CABP1: variants seen among roughly 807,000 people sequenced by gnomAD.
CABP1 encodes the protein calcium binding protein 1.
Under a neutral mutation model 34.3 loss-of-function variants are expected in CABP1, and 17 were observed. The ratio of observed to expected loss-of-function variants is 0.50; its 90% CI spans 0.34 to 0.74. The LOEUF is 0.74. CABP1 is among the 30% of genes least tolerant of loss of function. The probability of loss-of-function intolerance (pLI) is 0.01; values close to 1 mark genes in which losing one functional copy is unlikely to be tolerated. For missense variants in CABP1, 373 were observed against 511.1 expected (o/e 0.73, Z 2.61); for synonymous variants, 198 against 229.2 (o/e 0.86, Z 1.23).
intron 1 of CABP1, among the ~76,000 whole-genome samples, chr12:120,651,383 C>T (rs1879838189): frequency 6.6e-6 from 1 of 152,116 alleles, no homozygotes; most frequent in South Asian, 2.1e-4. Flanking sequence ...TGCAAAAATT[C>T]CTTTTAGAAA....
chr12:120,673,738 G>C, the CABP1 span, among the ~76,000 whole-genome samples: 1 of 152,198 alleles, frequency 6.6e-6, no homozygotes, highest in Non-Finnish European at 1.5e-5. Context: ...CTGTAAAATG[G>C]AGATGATGTT....
At chr12:120,662,678 C>T (rs1394033064) in intron 5 of CABP1, among the ~76,000 whole-genome samples, 1 of 110,560 alleles carries the variant, frequency 9.0e-6, no homozygotes, top group Non-Finnish European at 1.8e-5. Context: ...GGGCTTTTAT[C>T]CTGTTCTTTT....
intron 5 of CABP1, among the ~76,000 whole-genome samples, chr12:120,665,268 CA>C (rs1380772379): frequency 2.6e-5 from 4 of 151,286 alleles, no homozygotes; most frequent in African/African-American, 9.7e-5. Context: ...ACTAAAAATA[CA>C]AAAAAAATTA....
In CABP1 at chr12:120,660,092, C is replaced by A; in HGVS notation, c.686-104C>A. 6.8e-7 allele frequency: 1 copy of A among 1,468,198 alleles called. No homozygotes were observed. Among genetic ancestry groups the A allele is most frequent in the Non-Finnish European group, 9.4e-7 (1 of 1,068,770 alleles). 90.9% of individuals were successfully genotyped at this position (1,468,198 alleles called of 1,614,324 possible). On this transcript the variant is annotated intron_variant, in intron 2 of 5. Coordinates refer to ENST00000316803, the MANE Select transcript of CABP1 (RefSeq NM_001033677.2). This position sits in a 1 kb window ranked among gnomAD's most constrained non-coding sequence, Gnocchi z 5.0. ...AAATGCCCCAGCATCCTGGGAAGCT[C>A]CTGGGCCTCTCTTTCCATGCCGGTG...
At chr12:120,648,653 G>A (rs889038588) in intron 1 of CABP1, among the ~76,000 whole-genome samples, 1 of 152,104 alleles carries the variant, frequency 6.6e-6, no homozygotes, top group South Asian at 2.1e-4. Context: ...GGCCAAGGCA[G>A]GTGGATCACC....
At position 120,640,942 on chromosome 12, in the gene CABP1, C is replaced by T; in HGVS notation, c.257C>T (p.Pro86Leu). 8.8e-7 allele frequency: 1 copy of T among 1,132,254 alleles called. No individual in the cohort carries two copies. Among genetic ancestry groups the T allele is most frequent in the Non-Finnish European group, 1.1e-6 (1 of 924,838 alleles). The allele number at this position is 1,132,254 out of a possible 1,614,324, so 70.1% of individuals were successfully genotyped here. ...AAAASGGSRAPRHGPARDPGL... is the reference protein window; with the variant it reads ...AAAASGGSRALRHGPARDPGL... ...GCGGCGAGCGGGGGCAGCCGGGCTC[C>T]CCGCCACGGCCCTGCCCGGGACCCG... is the stretch of plus-strand genomic sequence containing the variant. The change falls in exon 1 of 6, where the codon CCC becomes CTC. Residue 86 changes from proline to leucine, a missense_variant. Coordinates refer to ENST00000316803, the MANE Select transcript of CABP1 (RefSeq NM_001033677.2). The surrounding 1 kb of genome is among the most constrained non-coding windows in gnomAD (Gnocchi z 6.2).
chr12:120,645,811 G>A (rs1223374756), intron 1 of CABP1, among the ~76,000 whole-genome samples: 5 of 152,116 alleles, frequency 3.3e-5, no homozygotes, highest in Non-Finnish European at 5.9e-5. Flanking sequence ...CCTGGGTGAC[G>A]GAGGAAGACT....
chr12:120,648,005 GGAAGC>G (rs1879630383), intron 1 of CABP1, among the ~76,000 whole-genome samples: 1 of 152,064 alleles, frequency 6.6e-6, no homozygotes, highest in Non-Finnish European at 1.5e-5. Context: ...GAATTTCTGG[GGAAGC>G]TCCCCAGTTA....
intron 1 of CABP1, among the ~76,000 whole-genome samples, chr12:120,654,901 GA>G (rs1880079373): frequency 6.6e-6 from 1 of 152,250 alleles, no homozygotes; most frequent in African/African-American, 2.4e-5. Context: ...TAGGTAAGCA[GA>G]GAAGGGCCCT....
chr12:120,641,247 C>G lies in CABP1; in HGVS notation c.562C>G (p.Arg188Gly). 7.8e-7 allele frequency: 1 copy of G among 1,287,456 alleles called. No individual in the cohort carries two copies. The highest frequency in any genetic ancestry group is 9.8e-7 in the Non-Finnish European group (1 of 1,020,538). 79.8% of individuals were successfully genotyped at this position (1,287,456 alleles called of 1,614,324 possible). ...ALGLRGSLRA[R>G]GRGDSVPAAA... ...CGGCCTCCGGGGCTCTCTGCGAGCC[C>G]GGGGCCGCGGGGACTCCGTTCCAGC... is the stretch of plus-strand genomic sequence containing the variant. The change falls in exon 1 of 6, where the codon CGG becomes GGG. Residue 188 changes from arginine (R) to glycine (G), a missense_variant. Arg to Gly is a moderately radical substitution (Grantham distance 125, BLOSUM62 -2). Transcript: ENST00000316803. The surrounding 1 kb of genome is among the most constrained non-coding windows in gnomAD (Gnocchi z 6.7).
intron 1 of CABP1, chr12:120,656,128 G>A (rs371965163): frequency 3.7e-6 from 6 of 1,614,206 alleles, no homozygotes; most frequent in Non-Finnish European, 5.1e-6. Flanking sequence ...ACATGGTGGT[G>A]CAGACGAGCG....
the CABP1 span, among the ~76,000 whole-genome samples, chr12:120,673,908 G>A: frequency 1.3e-5 from 2 of 152,248 alleles, no homozygotes; most frequent in African/African-American, 4.8e-5. Context: ...GCTGCCTGGT[G>A]TGGTGGCTCA....
chr12:120,651,695 C>T (rs939522492), intron 1 of CABP1, among the ~76,000 whole-genome samples: 11 of 152,216 alleles, frequency 7.2e-5, no homozygotes, highest in Non-Finnish European at 1.2e-4. Context: ...ACCAGCCTCT[C>T]AATTTAGGAC....
At chr12:120,658,888 G>A (rs1364401722) in intron 1 of CABP1, 1 of 152,324 alleles carries the variant, frequency 6.6e-6, no homozygotes, top group Non-Finnish European at 1.5e-5. Flanking sequence ...GGACGCTGAA[G>A]GCCACTTTTG....
the CABP1 span, among the ~76,000 whole-genome samples, chr12:120,674,303 A>T: frequency 1.3e-5 from 2 of 152,256 alleles, no homozygotes; most frequent in African/African-American, 4.8e-5. Flanking sequence ...AGAAAAGGAG[A>T]AGAGAAAGTT....
rs1301286573 is a variant in CABP1, at chr12:120,641,313, C to A, written c.628C>A (p.Pro210Thr). The A allele has an allele frequency of 4.5e-6, 6 of 1,330,846 alleles. No homozygotes were observed. The highest frequency in any genetic ancestry group is 5.8e-6 in the Non-Finnish European group (6 of 1,042,388). The allele number at this position is 1,330,846 out of a possible 1,614,324, so 82.4% of individuals were successfully genotyped here. A position where few individuals can be genotyped will look rare whatever the true frequency, so the allele number is the denominator to read the frequency against. ...EADPFLHRLR[P>T]MLSSAFGQDR... ...GGACCCGTTCCTCCACCGGCTGCGCCCCATGCTCAGCTCCGCCTTTGGCCA... is the reference window on the plus strand; with the variant it reads ...GGACCCGTTCCTCCACCGGCTGCGCACCATGCTCAGCTCCGCCTTTGGCCA... Residue 210 changes from proline (P) to threonine (T), a missense_variant, in exon 1 of 6, where the codon CCC (proline) becomes ACC (threonine). Pro to Thr is a conservative substitution (Grantham distance 38). Around this residue, in one of 4 missense-constraint regions of CABP1, gnomAD observed 121 missense variants for 125.5 expected, o/e 0.96. Transcript: ENST00000316803. This position sits in a 1 kb window ranked among gnomAD's most constrained non-coding sequence, Gnocchi z 6.7.
chr12:120,655,743 G>T, intron 1 of CABP1: 2 of 1,462,812 alleles, frequency 1.4e-6, no homozygotes, highest in Non-Finnish European at 1.8e-6. Context: ...CTTCCCATTG[G>T]TGAGAATAGA....
intron 1 of CABP1, chr12:120,650,602 AC>A (rs1244201565): frequency 1.2e-6 from 2 of 1,613,464 alleles, no homozygotes; most frequent in Non-Finnish European, 1.7e-6. Flanking sequence ...TCCTTCATGG[AC>A]CCGGGGATCC....
At chr12:120,646,748 A>ACTGAT (rs1403511207) in intron 1 of CABP1, among the ~76,000 whole-genome samples, 1 of 152,090 alleles carries the variant, frequency 6.6e-6, no homozygotes, top group East Asian at 1.9e-4. Context: ...CCTGGCCTCA[A>ACTGAT]CTGATCCTCC....
Sources: gnomAD v4.1 joint callset for allele counts (sites outside exome capture counted in the v4.1 genomes callset) on GRCh38, gnomAD v4.1.1 for gene constraint, gnomAD v4.1.1 regional missense constraint, Gnocchi (gnomAD v3.1) non-coding constraint, MANE v1.5 for transcripts, NCBI Gene and HGNC (gene_info 2026-07-23, HGNC 2026-07-21) for gene names.